PRKN: variants seen among roughly 807,000 people sequenced by gnomAD.
The protein encoded by PRKN is E3 ubiquitin-protein ligase parkin.
In PRKN, 56 loss-of-function variants were observed where a neutral mutation model predicts 59.5. The ratio of observed to expected loss-of-function variants is 0.94; its 90% confidence interval spans 0.76 to 1.18. PRKN has a LOEUF of 1.18. Among genes scored for constraint, PRKN ranks in the 50% most tolerant of loss-of-function variants. The probability of loss-of-function intolerance (pLI) is 0.00; values close to 1 mark genes in which losing one functional copy is unlikely to be tolerated. For missense variants in PRKN, 657 were observed against 596.4 expected, an observed-to-expected ratio of 1.10 and a Z score of -1.06; for synonymous variants, 250 against 222.1, an observed-to-expected ratio of 1.13 and a Z score of -1.12.
In PRKN at chr6:161,456,619, T is replaced by C. The variant is rs142132878; in HGVS notation, c.1084-69742A>G. ...TGTCCCTCTAGAGAACCCTGACTAA[T>C]AATCTCCCACATCACCAGCTTGAAT... On this transcript the variant is annotated intron_variant, in intron 9 of 11. Coordinates refer to ENST00000366898, the MANE Select transcript of PRKN (RefSeq NM_004562.3). This position sits in a 1 kb window ranked among gnomAD's most constrained non-coding sequence, Gnocchi z 4.8. 2.5e-5 allele frequency among the ~76,000 whole-genome samples: 3 copies of C among 118,784 alleles called. No individual in the cohort carries two copies. 77.9% of individuals were successfully genotyped at this position (118,784 alleles called of 152,430 possible).
intron 2 of PRKN, among the ~76,000 whole-genome samples, chr6:162,440,896 A>T (rs1454199969): frequency 6.6e-6 from 1 of 151,936 alleles, no homozygotes; most frequent in Non-Finnish European, 1.5e-5. Flanking sequence ...ATACAAGAAT[A>T]TCTAGGATGC....
intron 7 of PRKN, among the ~76,000 whole-genome samples, chr6:161,749,007 C>G (rs1569836): frequency 6.6e-6 from 1 of 151,940 alleles, no homozygotes; most frequent in Non-Finnish European, 1.5e-5. Flanking sequence ...GGAAACATTT[C>G]GAAGGGCTGG....
At chr6:162,725,590 T>A (rs1779123628) in intron 1 of PRKN, among the ~76,000 whole-genome samples, 1 of 151,772 alleles carries the variant, frequency 6.6e-6, no homozygotes, top group African/African-American at 2.4e-5. Flanking sequence ...TGAAACTCCA[T>A]CTCTACAAAA....
chr6:162,645,564 C>T (rs1079020), intron 1 of PRKN, among the ~76,000 whole-genome samples: 125,907 of 152,012 alleles, frequency 0.83, 52,458 homozygotes, highest in East Asian at 0.95. Flanking sequence ...AAATTTTTTG[C>T]TGGCATAGTT....
chr6:162,647,124 T>G (rs778046159), intron 1 of PRKN, among the ~76,000 whole-genome samples: 146 of 152,062 alleles, frequency 9.6e-4, no homozygotes, highest in Non-Finnish European at 1.5e-3. Context: ...AGGTAAACAC[T>G]GAGCAATTTC....
chr6:162,256,762 GCA>G (rs1387963831), intron 3 of PRKN, among the ~76,000 whole-genome samples: 1 of 152,160 alleles, frequency 6.6e-6, no homozygotes, highest in African/African-American at 2.4e-5. Flanking sequence ...CGTTAGAAGA[GCA>G]CACTGTCCAG....
At chr6:162,666,964 G>A (rs1014658729) in intron 1 of PRKN, among the ~76,000 whole-genome samples, 4 of 152,010 alleles carry the variant, frequency 2.6e-5, no homozygotes, top group Admixed American at 6.6e-5. Flanking sequence ...AAGTACTTAG[G>A]ATTATGAATA....
At chr6:162,572,505 T>C (rs1467536448) in intron 1 of PRKN, among the ~76,000 whole-genome samples, 1 of 152,166 alleles carries the variant, frequency 6.6e-6, no homozygotes, top group African/African-American at 2.4e-5. Context: ...TCCGAATTAC[T>C]ATCCTGATGG....
chr6:162,535,068 G>T (rs1053895729), intron 1 of PRKN, among the ~76,000 whole-genome samples: 5 of 138,502 alleles, frequency 3.6e-5, no homozygotes, highest in African/African-American at 1.0e-4. Context: ...GGGGGTATGA[G>T]AAAAAACTCT....
At chr6:162,155,161 A>T (rs572971137) in intron 4 of PRKN, among the ~76,000 whole-genome samples, 1 of 151,676 alleles carries the variant, frequency 6.6e-6, no homozygotes, top group Non-Finnish European at 1.5e-5. Context: ...ATTACTTCCC[A>T]TTAGGAGATG....
rs1742450616 is a variant in PRKN, at chr6:161,442,348, G to T, written c.1084-55471C>A. Reference sequence around the variant, plus strand: ...TAGCACAAAAAATACACCATGAAATGAGTTTAAAGTCCTTAATCTTGAAGG... The same window carrying T: ...TAGCACAAAAAATACACCATGAAATTAGTTTAAAGTCCTTAATCTTGAAGG... On this transcript the variant is annotated intron_variant, in intron 9 of 11. Coordinates refer to ENST00000366898, the MANE Select transcript of PRKN (RefSeq NM_004562.3). This position sits in a 1 kb window ranked among gnomAD's most constrained non-coding sequence, Gnocchi z 4.6. 6.6e-6 allele frequency among the ~76,000 whole-genome samples: 1 copy of T among 152,164 alleles called. No individual in the cohort carries two copies. Among genetic ancestry groups the T allele is most frequent in the South Asian group, 2.1e-4 (1 of 4,820 alleles).
chr6:162,446,268 A>G (rs146847529), intron 1 of PRKN, among the ~76,000 whole-genome samples: 2 of 152,312 alleles, frequency 1.3e-5, no homozygotes, highest in Non-Finnish European at 2.9e-5. Context: ...TTCATTTTCT[A>G]CTAGTGAGAA....
intron 7 of PRKN, among the ~76,000 whole-genome samples, chr6:161,622,216 C>A (rs745324609): frequency 5.3e-5 from 8 of 152,146 alleles, no homozygotes; most frequent in Non-Finnish European, 8.8e-5. Context: ...TCACCACCTG[C>A]TCTGGCTGCT....
At chr6:161,366,419 G>A (rs1785200368) in intron 10 of PRKN, among the ~76,000 whole-genome samples, 2 of 152,200 alleles carry the variant, frequency 1.3e-5, no homozygotes, top group Admixed American at 6.5e-5. Context: ...GTCAGAGACA[G>A]AGAAGAAAGC....
intron 7 of PRKN, among the ~76,000 whole-genome samples, chr6:161,573,789 TATATATAA>T (rs1186095347): frequency 1.0e-5 from 1 of 97,594 alleles, no homozygotes; most frequent in East Asian, 3.0e-4. Flanking sequence ...TATATATATA[TATATATAA>T]AACTTCATTC....
At chr6:161,851,840 A>G (rs12110976) in intron 6 of PRKN, among the ~76,000 whole-genome samples, 45,895 of 151,164 alleles carry the variant, frequency 0.3, 7,364 homozygotes, top group South Asian at 0.41. Flanking sequence ...TAATCCCAGC[A>G]CTTTTGGAGG....
chr6:161,462,927 G>A lies in PRKN; in HGVS notation c.1084-76050C>T, dbSNP rs1373501329. Among the ~76,000 whole-genome samples the A allele has an allele frequency of 2.0e-5, 3 of 152,098 alleles. No individual in the cohort carries two copies. The highest frequency in any genetic ancestry group is 6.6e-5 in the Admixed American group (1 of 15,254). ...GTTTTTTTGTTTGGTAGAGCACTTA[G>A]TATTAACAAGGCACTACAGTAGGCT... On this transcript the variant is annotated intron_variant, in intron 9 of 11. Coordinates refer to ENST00000366898, the MANE Select transcript of PRKN (RefSeq NM_004562.3). This position sits in a 1 kb window ranked among gnomAD's most constrained non-coding sequence, Gnocchi z 4.5.
intron 4 of PRKN, 22 bp from the exon 5 acceptor site, chr6:162,054,196 T>C (rs1033693594): frequency 1.5e-6 from 2 of 1,367,180 alleles, no homozygotes; most frequent in African/African-American, 2.9e-5. Context: ...AACAACAATA[T>C]ATGCTTATAT....
Position 161,457,682 on chromosome 6 carries a change from T to A in PRKN, c.1084-70805A>T, listed in dbSNP as rs536301680. 6.6e-6 allele frequency among the ~76,000 whole-genome samples: 1 copy of A among 152,306 alleles called. No individual in the cohort carries two copies. Among genetic ancestry groups the A allele is most frequent in the South Asian group, 2.1e-4 (1 of 4,820 alleles). On this transcript the variant is annotated intron_variant, in intron 9 of 11. Coordinates refer to ENST00000366898, the MANE Select transcript of PRKN (RefSeq NM_004562.3). The surrounding 1 kb of genome is among the most constrained non-coding windows in gnomAD (Gnocchi z 5.0). ...GGTCAGAAAGCAAAATCAAGGAATATGAAAATCTACTGTTAGGTACAAACG... is the reference window on the plus strand; with the variant it reads ...GGTCAGAAAGCAAAATCAAGGAATAAGAAAATCTACTGTTAGGTACAAACG...
Sources: gnomAD v4.1 joint callset for allele counts (sites outside exome capture counted in the v4.1 genomes callset) on GRCh38, gnomAD v4.1.1 for gene constraint, Gnocchi (gnomAD v3.1) non-coding constraint, MANE v1.5 for transcripts, NCBI Gene and HGNC (gene_info 2026-07-23, HGNC 2026-07-21) for gene names.